The following CHD4 variants were observed in gnomAD, a reference collection of about 807,000 sequenced individuals.
CHD4 encodes the protein ATP-dependent chromatin remodeler CHD4.
A neutral mutation model predicts 235.5 loss-of-function variants in CHD4; 35 were observed. The ratio of observed to expected loss-of-function variants is 0.15; its 90% confidence interval spans 0.11 to 0.20. The LOEUF (loss-of-function observed/expected upper bound fraction) is 0.20. CHD4 is among the 10% of genes least tolerant of loss of function. The pLI is 1.00. For missense variants in CHD4, 1,329 were observed against 2,432.3 expected (o/e 0.55, Z 9.54); for synonymous variants, 900 against 850.2 (o/e 1.06, Z -1.02).
chr12:6,598,174 T>C, intron 11 of CHD4, 48 bp downstream of exon 11: 5 of 1,609,756 alleles, frequency 3.1e-6, no homozygotes, highest in Non-Finnish European at 4.2e-6. Context: ...CTTTTGTCAC[T>C]ATCCTCTTCA....
intron 15 of CHD4, among the ~76,000 whole-genome samples, chr12:6,594,111 A>C (rs541443614): frequency 3.0e-4 from 46 of 152,316 alleles, no homozygotes; most frequent in Admixed American, 2.7e-3. Flanking sequence ...CTGGGATTAC[A>C]GGTATGAGCC....
intron 12 of CHD4, among the ~76,000 whole-genome samples, chr12:6,597,281 T>C (rs889953483): frequency 1.3e-4 from 19 of 148,868 alleles, no homozygotes; most frequent in Non-Finnish European, 2.2e-4. Context: ...AAAAAAACAA[T>C]AATAATAAAA....
chr12:6,584,037 C>T (rs1025844325), intron 25 of CHD4: 12 of 152,120 alleles, frequency 7.9e-5, no homozygotes, highest in South Asian at 4.1e-4. Flanking sequence ...AAATTACAAT[C>T]GGCCCTCTGT....
chr12:6,581,512 A>C, intron 31 of CHD4, 124 bp from the exon 32 acceptor site: 1 of 1,517,534 alleles, frequency 6.6e-7, no homozygotes, highest in Non-Finnish European at 9.2e-7. Flanking sequence ...CCCTATTCTT[A>C]GGACGGCCCT....
intron 33 of CHD4, chr12:6,580,769 G>T: frequency 8.0e-6 from 3 of 375,968 alleles, no homozygotes; most frequent in Non-Finnish European, 9.4e-6. Context: ...AGCAATCTGG[G>T]AGGCAAAAGC....
chr12:6,580,521 A>T (rs184196040), intron 33 of CHD4: 17 of 153,606 alleles, frequency 1.1e-4, no homozygotes, highest in Non-Finnish European at 2.2e-4. Context: ...GGCCTGACCA[A>T]TATGGAGAAA....
At chr12:6,571,226 G>T in intron 38 of CHD4, 194 bp from the exon 39 acceptor site, 1 of 608,848 alleles carries the variant, frequency 1.6e-6, no homozygotes, top group Non-Finnish European at 2.8e-6. Flanking sequence ...ATGATTTTGT[G>T]CTTTTTAAAG....
chr12:6,571,140 G>GTAT lies in CHD4; in HGVS notation c.5558-111_5558-109dup, dbSNP rs546622443. The GTAT allele has an allele frequency of 8.8e-5, 116 of 1,312,944 alleles. No homozygotes were observed. In the African/African-American group the frequency reaches 1.5e-3, roughly 17 times the overall value. The allele number at this position is 1,312,944 out of a possible 1,614,324, so 81.3% of individuals were successfully genotyped here. A position where few individuals can be genotyped will look rare whatever the true frequency, so the allele number is the denominator to read the frequency against. On this transcript the variant is annotated intron_variant, in intron 38 of 39. Transcript: ENST00000544040. ...TTCTCAGTGACCAAGTAACTGTGAT[G>GTAT]TATTGTCTTCTGTCATCTGACCTGA...
intron 12 of CHD4, among the ~76,000 whole-genome samples, chr12:6,597,602 T>C (rs529333440): frequency 1.1e-4 from 17 of 151,938 alleles, no homozygotes; most frequent in African/African-American, 4.1e-4. Flanking sequence ...CTGTCTCTAC[T>C]AAAAATACAA....
Position 6,570,861 on chromosome 12 carries a change from G to A in CHD4, c.5721+8C>T, listed in dbSNP as rs1223823576. ...GAAGAGGTGGTGTCAAGAAGAAAAT[G>A]GTCCTACCTGCTGTGGGGTAGGTTC... On this transcript the variant is annotated splice_region_variant and intron_variant, in intron 39 of 39. Coordinates refer to ENST00000544040, the MANE Select transcript of CHD4 (RefSeq NM_001273.5). 2 of 1,614,094 alleles carry A rather than the reference G, an allele frequency of 1.2e-6. No individual in the cohort carries two copies. The highest frequency in any genetic ancestry group is 1.7e-4 in the Middle Eastern group (1 of 6,060).
In CHD4 at chr12:6,578,020, A is replaced by C; in HGVS notation, c.5228+9T>G. 2 of 1,612,204 alleles carry C rather than the reference A, an allele frequency of 1.2e-6. No individual in the cohort carries two copies. Among genetic ancestry groups the C allele is most frequent in the Non-Finnish European group, 1.7e-6 (2 of 1,179,950 alleles). The stretch of plus-strand genomic sequence containing the variant: ...CAAAAGCCTCAGTACAGATTCAGGC[A>C]AAGGATACTTTATAATGCCGGCTAG... On this transcript the variant is annotated intron_variant, in intron 36 of 39. Coordinates refer to ENST00000544040, the MANE Select transcript of CHD4 (RefSeq NM_001273.5).
chr12:6,602,225 C>G, intron 3 of CHD4, 50 bp from the exon 4 acceptor site: 1 of 1,604,898 alleles, frequency 6.2e-7, no homozygotes. Context: ...ACATGCTACA[C>G]ACATGCTGAC....
intron 22 of CHD4, chr12:6,590,040 A>C (rs1948364888): frequency 6.6e-6 from 1 of 151,984 alleles, no homozygotes; most frequent in Admixed American, 6.6e-5. Flanking sequence ...CTCTACTAAA[A>C]ATACAAAAAT....
intron 20 of CHD4, 40 bp from the exon 21 acceptor site, chr12:6,591,865 C>T (rs1592273699): frequency 6.2e-7 from 1 of 1,613,810 alleles, no homozygotes; most frequent in Non-Finnish European, 8.5e-7. Context: ...AAAAGAAAGC[C>T]CACATGGAGA....
intron 12 of CHD4, among the ~76,000 whole-genome samples, chr12:6,597,133 A>C (rs527467235): frequency 1.3e-5 from 2 of 148,530 alleles, no homozygotes; most frequent in Admixed American, 6.7e-5. Context: ...AAAATTAGCC[A>C]GGCATGGTGG....
Position 6,600,569 on chromosome 12 carries a change from C to A in CHD4, c.1028G>T (p.Arg343Leu). The A allele has an allele frequency of 6.2e-7, 1 of 1,613,484 alleles. No individual in the cohort carries two copies. The highest frequency in any genetic ancestry group is 8.5e-7 in the Non-Finnish European group (1 of 1,179,966). Reference sequence around the variant, plus strand: ...CTTTTTAGTGGTTCGGAGTTTCTTGCGGCTGCGGCTACTACGGCTGGTGGA... The same window carrying A: ...CTTTTTAGTGGTTCGGAGTTTCTTGAGGCTGCGGCTACTACGGCTGGTGGA... ...DGSTSRSSRS[R>L]KKLRTTKKKK... Residue 343 changes from arginine (R) to leucine (L), a missense_variant, in exon 8 of 40, where the codon CGC becomes CTC. This residue lies in a region of CHD4 where 160 missense variants were observed against 196.6 expected (regional missense o/e 0.81). Transcript: ENST00000544040.
intron 33 of CHD4, chr12:6,580,719 A>AC: frequency 4.1e-6 from 1 of 243,498 alleles, no homozygotes; most frequent in South Asian, 1.7e-4. Context: ...AAAAAAAAAA[A>AC]AAAAAAAAGC....
In CHD4 at chr12:6,578,018, G is replaced by C. The variant is rs1291105101; in HGVS notation, c.5228+11C>G. 6.2e-7 allele frequency: 1 copy of C among 1,611,814 alleles called. No homozygotes were observed. The highest frequency in any genetic ancestry group is 1.3e-5 in the African/African-American group (1 of 75,036). On this transcript the variant is annotated intron_variant, in intron 36 of 39. Transcript: ENST00000544040. ...ACCAAAAGCCTCAGTACAGATTCAG[G>C]CAAAGGATACTTTATAATGCCGGCT... is the stretch of plus-strand genomic sequence containing the variant.
chr12:6,596,893 A>G (rs1489251839), intron 12 of CHD4, among the ~76,000 whole-genome samples: 2 of 150,940 alleles, frequency 1.3e-5, no homozygotes, highest in Admixed American at 6.6e-5. Flanking sequence ...TGAGAGGCGG[A>G]GGTTGCAGTG....
Sources: allele counts gnomAD v4.1 joint callset (sites outside exome capture counted in the v4.1 genomes callset), GRCh38; gene constraint gnomAD v4.1.1; regional missense constraint gnomAD v4.1.1; transcripts MANE v1.5; gene names NCBI Gene and HGNC (gene_info 2026-07-23, HGNC 2026-07-21).